ADAM23: variants seen among roughly 807,000 people sequenced by gnomAD.
The protein encoded by ADAM23 is disintegrin and metalloproteinase domain-containing protein 23.
ADAM23 carries 33 observed loss-of-function variants against 120.1 expected under a neutral mutation model. That is an observed-to-expected ratio of 0.27 (90% CI 0.21 to 0.37). The LOEUF (loss-of-function observed/expected upper bound fraction) is 0.37. ADAM23 is among the 10% of genes least tolerant of loss of function. The pLI is 1.00. For synonymous variants in ADAM23, 367 were observed against 375.2 expected (o/e 0.98, Z 0.25); for missense variants, 862 against 1,058.2 (o/e 0.81, Z 2.57).
chr2:206,612,580 G>A (rs1286688623), intron 25 of ADAM23, among the ~76,000 whole-genome samples: 1 of 152,134 alleles, frequency 6.6e-6, no homozygotes, highest in Admixed American at 6.6e-5. Context: ...TAACTACTCA[G>A]GGAAAATACT....
At chr2:206,488,170 T>C (rs1256258002) in intron 3 of ADAM23, among the ~76,000 whole-genome samples, 1 of 152,198 alleles carries the variant, frequency 6.6e-6, no homozygotes, top group African/African-American at 2.4e-5. Context: ...CTGACTGACA[T>C]GGTTAATTCA....
chr2:206,614,413 C>T (rs1259217010), intron 25 of ADAM23, among the ~76,000 whole-genome samples: 1 of 32,506 alleles, frequency 3.1e-5, no homozygotes, highest in Non-Finnish European at 6.0e-5. Context: ...TGCCTGTAAT[C>T]CCAGGCTGAG....
intron 18 of ADAM23, among the ~76,000 whole-genome samples, chr2:206,576,117 G>GT (rs999120192): frequency 9.2e-5 from 14 of 151,966 alleles, no homozygotes; most frequent in African/African-American, 2.4e-4. Context: ...ATATAAATAG[G>GT]TTTTTTTGCA....
intron 8 of ADAM23, among the ~76,000 whole-genome samples, chr2:206,548,898 C>T (rs1308267044): frequency 6.6e-6 from 1 of 152,044 alleles, no homozygotes; most frequent in South Asian, 2.1e-4. Flanking sequence ...AAATAAAAAT[C>T]ATGTAATTGT....
chr2:206,549,754 G>A (rs917054831), intron 8 of ADAM23, among the ~76,000 whole-genome samples: 9 of 151,900 alleles, frequency 5.9e-5, no homozygotes, highest in Non-Finnish European at 1.3e-4. Flanking sequence ...ATTTTAATGT[G>A]AAATTGAGAT....
chr2:206,620,362 C>A lies in ADAM23; in HGVS notation c.*2735C>A, dbSNP rs1468658499. On this transcript the variant is annotated 3_prime_UTR_variant, in exon 26 of 26. Transcript: ENST00000264377. ...AAATTATTTGTGTATATGTAAAATA[C>A]ACAAGCTTTAAGCTATGTGTGTATG... 1 of 152,126 alleles carries A rather than the reference C, an allele frequency of 6.6e-6. No homozygotes were observed. The highest frequency in any genetic ancestry group is 2.4e-5 in the African/African-American group (1 of 41,418). 9.4% of individuals were successfully genotyped at this position (152,126 alleles called of 1,614,324 possible).
At chr2:206,458,158 C>T (rs1158995948) in intron 2 of ADAM23, among the ~76,000 whole-genome samples, 1 of 60,412 alleles carries the variant, frequency 1.7e-5, no homozygotes, top group Admixed American at 1.4e-4. Context: ...TCTGACAGAT[C>T]AGCTGTTACC....
In ADAM23 at chr2:206,598,911, C is replaced by T. The variant is rs1333360053; in HGVS notation, c.2359+2749C>T. Among the ~76,000 whole-genome samples, 4 of 145,862 alleles carry T rather than the reference C, an allele frequency of 2.7e-5. No individual in the cohort carries two copies. The Admixed American group carries it at 2.8e-4, about 10-fold the overall frequency. On this transcript the variant is annotated intron_variant, in intron 24 of 25. Coordinates refer to ENST00000264377, the MANE Select transcript of ADAM23 (RefSeq NM_003812.4). The stretch of plus-strand genomic sequence containing the variant: ...TGAGACACTGAGCCCCCTACTCATC[C>T]CCCAAAAAAGAGGCCAGGCACGGTG...
chr2:206,525,339 A>C (rs1696921905), intron 3 of ADAM23, among the ~76,000 whole-genome samples: 1 of 151,256 alleles, frequency 6.6e-6, no homozygotes, highest in South Asian at 2.1e-4. Flanking sequence ...ACAGATTTTA[A>C]AACTAGAAAG....
At chr2:206,567,345 T>C (rs754696783) in intron 15 of ADAM23, 23 bp downstream of exon 15, 4 of 1,569,350 alleles carry the variant, frequency 2.5e-6, no homozygotes, top group African/African-American at 1.4e-5. Context: ...GAAAGCATAC[T>C]AAGAAAGTAT....
At chr2:206,532,776 A>G (rs1307136938) in intron 4 of ADAM23, among the ~76,000 whole-genome samples, 3 of 152,152 alleles carry the variant, frequency 2.0e-5, no homozygotes, top group Non-Finnish European at 1.5e-5. Flanking sequence ...CATTTGTTAT[A>G]ATATGTTTAA....
At chr2:206,538,749 C>G (rs1697232345) in intron 4 of ADAM23, among the ~76,000 whole-genome samples, 1 of 152,052 alleles carries the variant, frequency 6.6e-6, no homozygotes, top group African/African-American at 2.4e-5. Context: ...TCAAACAGTT[C>G]CTGTTGTTAT....
At chr2:206,614,588 G>A (rs1209123324) in intron 25 of ADAM23, among the ~76,000 whole-genome samples, 1 of 151,950 alleles carries the variant, frequency 6.6e-6, no homozygotes, top group Non-Finnish European at 1.5e-5. Flanking sequence ...GGAGACGGAG[G>A]TTGCAGTGAG....
chr2:206,512,295 A>C (rs1283385346), intron 3 of ADAM23, among the ~76,000 whole-genome samples: 1 of 152,252 alleles, frequency 6.6e-6, no homozygotes, highest in East Asian at 1.9e-4. Flanking sequence ...GAATTGTAAG[A>C]ATGATCAGGC....
chr2:206,596,147 G>T lies in ADAM23; in HGVS notation c.2344G>T (p.Asp782Tyr). Residue 782 changes from aspartate to tyrosine, a missense_variant, in exon 24 of 26, where the codon GAT (aspartate) becomes TAT (tyrosine). By Grantham distance (160) the Asp-to-Tyr change is radical. Transcript: ENST00000264377. ...AGTTAGGAACCTTCACCCCCCCAAG[G>T]ATGAAGGACCCAAGGGTTTGTGTGA... ...DPVRNLHPPK[D>Y]EGPKGPSATN... The T allele has an allele frequency of 6.2e-7, 1 of 1,613,894 alleles. No individual in the cohort carries two copies. The highest frequency in any genetic ancestry group is 8.5e-7 in the Non-Finnish European group (1 of 1,179,900).
intron 2 of ADAM23, among the ~76,000 whole-genome samples, chr2:206,455,142 G>A (rs1574476315): frequency 6.6e-6 from 1 of 152,246 alleles, no homozygotes; most frequent in South Asian, 2.1e-4. Flanking sequence ...TGGATAGCCA[G>A]GTGTTTCGTA....
intron 3 of ADAM23, among the ~76,000 whole-genome samples, chr2:206,529,564 A>C (rs1157597163): frequency 6.6e-6 from 1 of 151,892 alleles, no homozygotes; most frequent in Non-Finnish European, 1.5e-5. Context: ...ACACCTGGCT[A>C]ATGTTTTAAA....
intron 9 of ADAM23, among the ~76,000 whole-genome samples, chr2:206,551,438 T>C (rs1267299345): frequency 6.6e-6 from 1 of 152,220 alleles, no homozygotes; most frequent in Non-Finnish European, 1.5e-5. Flanking sequence ...GTACTTGTTT[T>C]ATCAAAACAA....
At chr2:206,511,592 A>G (rs1696624442) in intron 3 of ADAM23, among the ~76,000 whole-genome samples, 1 of 152,198 alleles carries the variant, frequency 6.6e-6, no homozygotes, top group African/African-American at 2.4e-5. Context: ...TGGAGCTCAT[A>G]GCAGAACCTC....
Sources: gnomAD v4.1 joint callset for allele counts (sites outside exome capture counted in the v4.1 genomes callset) on GRCh38, gnomAD v4.1.1 for gene constraint, MANE v1.5 for transcripts, NCBI Gene and HGNC (gene_info 2026-07-23, HGNC 2026-07-21) for gene names.